MVD: variants seen among roughly 807,000 people sequenced by gnomAD.
MVD encodes diphosphomevalonate decarboxylase.
Under a neutral mutation model 42.4 loss-of-function variants are expected in MVD, and 52 were observed. The observed-to-expected ratio is 1.23, with a 90% confidence interval of 0.98 to 1.55. MVD has a LOEUF of 1.55. Among genes scored for constraint, MVD ranks in the 40% most tolerant of loss-of-function variants. The probability of loss-of-function intolerance (pLI) is 0.00; values close to 1 mark genes in which losing one functional copy is unlikely to be tolerated. For synonymous variants in MVD, 287 were observed against 243.2 expected (o/e 1.18, Z -1.68); for missense variants, 663 against 572.1 (o/e 1.16, Z -1.62).
chr16:88,655,167 A>C, intron 7 of MVD, 32 bp downstream of exon 7: 1 of 1,548,084 alleles, frequency 6.5e-7, no homozygotes, highest in Non-Finnish European at 8.7e-7. Flanking sequence ...CTACAGCGCG[A>C]GCGCAGCCTC....
intron 8 of MVD, among the ~76,000 whole-genome samples, chr16:88,654,468 C>T (rs369137507): frequency 3.3e-5 from 5 of 152,298 alleles, no homozygotes; most frequent in African/African-American, 1.2e-4. Flanking sequence ...AGACCCTGGG[C>T]GTTGCTCACA....
rs1303361950 is a variant in MVD at position 88,663,048 on chromosome 16, A to G, written c.33T>C (p.Thr11=). The G allele has an allele frequency of 6.2e-7, 1 of 1,610,602 alleles. No individual in the cohort carries two copies. Among genetic ancestry groups the G allele is most frequent in the East Asian group, 2.2e-5 (1 of 44,764 alleles). Residue 11 remains threonine (T), a synonymous_variant, in exon 1 of 10, where the codon ACT becomes ACC. Coordinates refer to ENST00000301012, the MANE Select transcript of MVD (RefSeq NM_002461.3). MASEKPLAAV[T]CTAPVNIAVI... ...CCGCGATGTTGACCGGCGCTGTACA[A>G]GTGACTGCCGCCAGCGGCTTCTCCG...
chr16:88,657,767 G>T, intron 3 of MVD, 148 bp downstream of exon 3: 1 of 1,233,628 alleles, frequency 8.1e-7, no homozygotes, highest in Non-Finnish European at 1.1e-6. Flanking sequence ...GTGGGCCACT[G>T]CCCTGGAGCT....
At chr16:88,662,940 C>G (rs1366074127) in intron 1 of MVD, 71 bp downstream of exon 1, 1 of 1,548,960 alleles carries the variant, frequency 6.5e-7, no homozygotes. Flanking sequence ...GCCGCCGAAT[C>G]AGCGCGCGAC....
intron 1 of MVD, 164 bp downstream of exon 1, chr16:88,662,847 G>A (rs1254366124): frequency 7.0e-7 from 1 of 1,434,466 alleles, no homozygotes; most frequent in African/African-American, 1.5e-5. Context: ...AGGAGCGCGC[G>A]GCCCCGCCCG....
rs377022341 is a variant in MVD at position 88,655,641 on chromosome 16, C to T, written c.678+15G>A. ...TGACTCCCAGGGCCCCGGGACCACC[C>T]GCTCCTGGCCTTACCCGAAGCAGGG... On this transcript the variant is annotated intron_variant, in intron 6 of 9. Coordinates refer to ENST00000301012, the MANE Select transcript of MVD (RefSeq NM_002461.3). 3.0e-4 allele frequency: 470 copies of T among 1,549,302 alleles called. No individual in the cohort carries two copies. Among genetic ancestry groups the T allele is most frequent in the Middle Eastern group, 2.0e-3 (10 of 5,080 alleles).
At position 88,652,540 on chromosome 16, in the gene MVD, C is replaced by T. The variant is rs139626218; in HGVS notation, c.1188G>A (p.Pro396=). Reference sequence around the variant, plus strand: ...GCTGAGGCAGTCAGGCAGCTGGCTTCGGCAGGCCGTCAGGACCCAGGAGGT... The same window carrying T: ...GCTGAGGCAGTCAGGCAGCTGGCTTTGGCAGGCCGTCAGGACCCAGGAGGT... ...CAHLLGPDGL[P]KPAA is the part of the protein sequence containing the mutation. The change falls in exon 10 of 10, where the codon CCG becomes CCA. Residue 396 remains proline (P), a synonymous_variant. Transcript: ENST00000301012. 9.0e-5 allele frequency: 141 copies of T among 1,572,984 alleles called. No individual in the cohort carries two copies. In the African/African-American group the frequency reaches 1.3e-3, roughly 15 times the overall value.
intron 4 of MVD, 151 bp downstream of exon 4, chr16:88,657,285 G>T: frequency 9.2e-7 from 1 of 1,082,746 alleles, no homozygotes; most frequent in Non-Finnish European, 1.4e-6. Flanking sequence ...TCTGGGAAGA[G>T]ACTGAACAAC....
chr16:88,652,309 G>A lies in MVD; in HGVS notation c.*216C>T. 1.6e-6 allele frequency: 1 copy of A among 617,472 alleles called. No individual in the cohort carries two copies. The highest frequency in any genetic ancestry group is 2.9e-6 in the Non-Finnish European group (1 of 343,206). The allele number at this position is 617,472 out of a possible 1,614,324, so 38.2% of individuals were successfully genotyped here. On this transcript the variant is annotated 3_prime_UTR_variant, in exon 10 of 10. Transcript: ENST00000301012. Reference sequence around the variant, plus strand: ...CCCATCCCATCTTGGCAAAGCGCTGGTGCAGCTTAGGGCAGCTGAAGCACT... The same window carrying A: ...CCCATCCCATCTTGGCAAAGCGCTGATGCAGCTTAGGGCAGCTGAAGCACT...
chr16:88,655,515 A>G (rs1483967608), intron 6 of MVD, 98 bp from the exon 7 acceptor site: 1 of 1,508,750 alleles, frequency 6.6e-7, no homozygotes, highest in Non-Finnish European at 8.9e-7. Context: ...CTCGAGCCCC[A>G]TCTCTGCATT....
At chr16:88,655,993 C>T in intron 5 of MVD, 112 bp downstream of exon 5, 2 of 1,415,548 alleles carry the variant, frequency 1.4e-6, no homozygotes, top group Non-Finnish European at 1.9e-6. Flanking sequence ...CCCCGCTGAC[C>T]CCAGGAGCCA....
At chr16:88,653,026 C>T (rs563664515) in intron 9 of MVD, among the ~76,000 whole-genome samples, 1 of 152,262 alleles carries the variant, frequency 6.6e-6, no homozygotes, top group Non-Finnish European at 1.5e-5. Flanking sequence ...CAGGCGCTCC[C>T]TATTCAAGGG....
Position 88,657,933 on chromosome 16 carries a change from G to A in MVD, c.238C>T (p.Gln80Ter), listed in dbSNP as rs149300368. ...REEDVGQPRL[Q>*]ACLREIRCLA... Reference sequence around the variant, plus strand: ...AGCTCACTCTCCCGCAGGCAGGCCTGCAGCCGCGGCTGCCCCACATCCTCC... The same window carrying A: ...AGCTCACTCTCCCGCAGGCAGGCCTACAGCCGCGGCTGCCCCACATCCTCC... The change falls in exon 3 of 10, where the codon CAG becomes TAG. Residue 80 changes from glutamine (Q) to a stop codon, truncating the protein, a stop_gained. Coordinates refer to ENST00000301012, the MANE Select transcript of MVD (RefSeq NM_002461.3). LOFTEE classifies it high-confidence loss of function. 6 of 1,613,516 alleles carry A rather than the reference G, an allele frequency of 3.7e-6. No individual in the cohort carries two copies. The African/African-American group carries it at 4.0e-5, about 11-fold the overall frequency.
chr16:88,662,712 G>A (rs946643324), intron 1 of MVD: 6 of 1,412,320 alleles, frequency 4.2e-6, no homozygotes, highest in Non-Finnish European at 4.6e-6. Flanking sequence ...GGATTCTTAC[G>A]ATTCATGGGA....
At chr16:88,654,058 C>T (rs1257238569) in intron 8 of MVD, among the ~76,000 whole-genome samples, 8 of 152,068 alleles carry the variant, frequency 5.3e-5, no homozygotes, top group African/African-American at 1.4e-4. Flanking sequence ...TCAACAGCCC[C>T]GGGGCGTAAG....
At chr16:88,657,698 G>C in intron 3 of MVD, 116 bp from the exon 4 acceptor site, 15 of 1,454,784 alleles carry the variant, frequency 1.0e-5, no homozygotes, top group Non-Finnish European at 1.4e-5. Context: ...CAGACTCCTC[G>C]TGGAGAGTTT....
intron 1 of MVD, among the ~76,000 whole-genome samples, chr16:88,661,917 T>TAC (rs1222892163): frequency 2.4e-5 from 3 of 122,756 alleles, no homozygotes; most frequent in African/African-American, 1.0e-4. Context: ...TGTATACATA[T>TAC]ACACACACAT....
intron 3 of MVD, 107 bp downstream of exon 3, chr16:88,657,808 C>T: frequency 7.5e-7 from 1 of 1,326,604 alleles, no homozygotes. Flanking sequence ...TGGTTCCCAG[C>T]CACCCCGCCT....
rs749517862 is a variant in MVD at position 88,655,340 on chromosome 16, G to A, written c.756C>T (p.Phe252=). The A allele has an allele frequency of 1.1e-5, 17 of 1,602,260 alleles. No homozygotes were observed. The highest frequency in any genetic ancestry group is 5.4e-5 in the African/African-American group (4 of 74,730). Residue 252 remains phenylalanine, a synonymous_variant, in exon 7 of 10, where the codon TTC becomes TTT. Coordinates refer to ENST00000301012, the MANE Select transcript of MVD (RefSeq NM_002461.3). Reference sequence around the variant, plus strand: ...TGCTGTCCTTCATGGTCAGCTGGGCGAAGCTGGGGAAGTCTCGCTCCCGGA... The same window carrying A: ...TGCTGTCCTTCATGGTCAGCTGGGCAAAGCTGGGGAAGTCTCGCTCCCGGA... ...RCIRERDFPS[F]AQLTMKDSNQ...
Sources: allele counts gnomAD v4.1 joint callset (sites outside exome capture counted in the v4.1 genomes callset), GRCh38; gene constraint gnomAD v4.1.1; transcripts MANE v1.5; gene names NCBI Gene and HGNC (gene_info 2026-07-23, HGNC 2026-07-21).